F3: variants seen among roughly 807,000 people sequenced by gnomAD.
F3 encodes coagulation factor III, tissue factor, also known as tissue factor.
Under a neutral mutation model 33.5 loss-of-function variants are expected in F3, and 18 were observed. That is an observed-to-expected ratio of 0.54 (90% CI 0.37 to 0.80). The LOEUF (loss-of-function observed/expected upper bound fraction) is 0.80. Ranked by LOEUF, F3 falls within the 30% of genes least tolerant of loss-of-function variation. The pLI is 0.00. For missense variants in F3, 353 were observed against 362.1 expected, an observed-to-expected ratio of 0.97 and a Z score of 0.20; for synonymous variants, 147 against 140.7, an observed-to-expected ratio of 1.05 and a Z score of -0.32.
chr1:94,529,711 AG>A lies in F3; in HGVS notation c.*748del, dbSNP rs1651358323. 6.6e-6 allele frequency: 1 copy of A among 152,296 alleles called. No individual in the cohort carries two copies. Among genetic ancestry groups the A allele is most frequent in the Non-Finnish European group, 1.5e-5 (1 of 68,028 alleles). 9.4% of individuals were successfully genotyped at this position (152,296 alleles called of 1,614,324 possible). On this transcript the variant is annotated 3_prime_UTR_variant, in exon 6 of 6. Transcript: ENST00000334047. ...AAACACTATATTATAGACATATGTT[AG>A]AAAAGTCCTAGAAATGCACCCAATT...
At chr1:94,533,408 G>A (rs1651494459) in intron 3 of F3, 140 bp from the exon 4 acceptor site, 6 of 1,006,102 alleles carry the variant, frequency 6.0e-6, no homozygotes, top group Middle Eastern at 2.2e-4. Context: ...AGAAGCAGGC[G>A]TGGCGGCCTG....
Position 94,529,571 on chromosome 1 carries a change from A to G in F3, c.*889T>C, listed in dbSNP as rs1345399456. 1 of 152,632 alleles carries G rather than the reference A, an allele frequency of 6.6e-6. No individual in the cohort carries two copies. Among genetic ancestry groups the G allele is most frequent in the Non-Finnish European group, 1.5e-5 (1 of 68,042 alleles). 9.5% of individuals were successfully genotyped at this position (152,632 alleles called of 1,614,324 possible). On this transcript the variant is annotated 3_prime_UTR_variant, in exon 6 of 6. Coordinates refer to ENST00000334047, the MANE Select transcript of F3 (RefSeq NM_001993.5). Reference sequence around the variant, plus strand: ...TTAAGTCAGTTAAAGTGCAGATTGTAAAGCATATTAGGAAGGTGCCCAGAA... The same window carrying G: ...TTAAGTCAGTTAAAGTGCAGATTGTGAAGCATATTAGGAAGGTGCCCAGAA...
Position 94,533,170 on chromosome 1 carries a change from T to C in F3, c.511A>G (p.Thr171Ala). The C allele has an allele frequency of 3.1e-6, 5 of 1,614,058 alleles. No homozygotes were observed. The highest frequency in any genetic ancestry group is 4.2e-6 in the Non-Finnish European group (5 of 1,179,994). Residue 171 changes from threonine (T) to alanine (A), a missense_variant, in exon 4 of 6, where the codon ACT becomes GCT. By Grantham distance (58) the Thr-to-Ala change is moderately conservative. Transcript: ENST00000334047. ...AAAACATCCCGGAGGCTTAGGAAAG[T>C]GTTGTTCCTTCTGACTAAAGTCCGT... ...DERTLVRRNN[T>A]FLSLRDVFGK...
At chr1:94,541,482 C>A in intron 1 of F3, 55 bp downstream of exon 1, 1 of 1,327,102 alleles carries the variant, frequency 7.5e-7, no homozygotes, top group Non-Finnish European at 9.9e-7. Context: ...CCAGGACTGT[C>A]GCCTCCCTCC....
rs3354 is a variant in F3, at chr1:94,530,263, C to T, written c.*197G>A. ...ACTTGGAATTGGTTGTAGTACCATT[C>T]GTTACATTTCAAAGTGACTAATGCT... On this transcript the variant is annotated 3_prime_UTR_variant, in exon 6 of 6. Transcript: ENST00000334047. The T allele has an allele frequency of 0.3, 171,846 of 580,954 alleles. 27,202 individuals carry two copies. The highest frequency in any genetic ancestry group is 0.46 in the East Asian group (15,709 of 34,404). The allele number at this position is 580,954 out of a possible 1,614,324, so 36.0% of individuals were successfully genotyped here. A position where few individuals can be genotyped will look rare whatever the true frequency, so the allele number is the denominator to read the frequency against.
At chr1:94,536,427 G>C (rs1651609621) in intron 2 of F3, among the ~76,000 whole-genome samples, 1 of 152,118 alleles carries the variant, frequency 6.6e-6, no homozygotes, top group Admixed American at 6.5e-5. Context: ...ATCATACCTA[G>C]CAACACCGAG....
Position 94,530,376 on chromosome 1 carries a change from T to C in F3, c.*84A>G. On this transcript the variant is annotated 3_prime_UTR_variant, in exon 6 of 6. Coordinates refer to ENST00000334047, the MANE Select transcript of F3 (RefSeq NM_001993.5). The stretch of plus-strand genomic sequence containing the variant: ...GGTCTTCATGCTCCGAAATACTCAT[T>C]TGCGTTTCCATGTATTCTATCCTCT... The C allele has an allele frequency of 1.1e-5, 17 of 1,554,868 alleles. No homozygotes were observed. Among genetic ancestry groups the C allele is most frequent in the Non-Finnish European group, 1.5e-5 (17 of 1,142,294 alleles).
chr1:94,530,419 A>G lies in F3; in HGVS notation c.*41T>C, dbSNP rs201579878. 29 of 1,608,806 alleles carry G rather than the reference A, an allele frequency of 1.8e-5. No homozygotes were observed. In the South Asian group the frequency reaches 3.0e-4, roughly 17 times the overall value. On this transcript the variant is annotated 3_prime_UTR_variant, in exon 6 of 6. Transcript: ENST00000334047. ...TATCCTCTTAAAAGTTCTCGGTCAC[A>G]GTGCAATATAGCATTTGCAGTAGCT... is the stretch of plus-strand genomic sequence containing the variant.
intron 4 of F3, 134 bp downstream of exon 4, chr1:94,532,956 G>A (rs903286528): frequency 9.4e-6 from 8 of 848,036 alleles, no homozygotes; most frequent in African/African-American, 3.4e-5. Context: ...CCCACAGTGC[G>A]CGCTCCCCCT....
intron 1 of F3, chr1:94,540,602 T>A: frequency 2.2e-6 from 1 of 448,020 alleles, no homozygotes; most frequent in Admixed American, 3.9e-5. Flanking sequence ...GCAAGGATCT[T>A]GACATTTTCG....
Position 94,533,153 on chromosome 1 carries a change from C to G in F3, c.528G>C (p.Arg176=). The G allele has an allele frequency of 6.2e-7, 1 of 1,613,768 alleles. No individual in the cohort carries two copies. Among genetic ancestry groups the G allele is most frequent in the East Asian group, 2.2e-5 (1 of 44,850 alleles). ...VRRNNTFLSL[R]DVFGKDLIYT... ...AAATTAAGTCCTTGCCAAAAACATC[C>G]CGGAGGCTTAGGAAAGTGTTGTTCC... Residue 176 remains arginine, a synonymous_variant, in exon 4 of 6, where the codon CGG becomes CGC. Coordinates refer to ENST00000334047, the MANE Select transcript of F3 (RefSeq NM_001993.5).
At chr1:94,541,493 T>C in intron 1 of F3, 44 bp downstream of exon 1, 1 of 1,388,626 alleles carries the variant, frequency 7.2e-7, no homozygotes, top group Non-Finnish European at 9.5e-7. Flanking sequence ...GCCTCCCTCC[T>C]GCGTGTGGCG....
rs780973921 is a variant in F3, at chr1:94,536,076, G to A, written c.301C>T (p.Gln101Ter). 1.2e-6 allele frequency: 2 copies of A among 1,614,140 alleles called. No individual in the cohort carries two copies. Among genetic ancestry groups the A allele is most frequent in the Non-Finnish European group, 1.7e-6 (2 of 1,180,012 alleles). Reference protein sequence around the residue: ...LTDEIVKDVKQTYLARVFSYP... With the variant: ...LTDEIVKDVK ...GAGAAGACCCGTGCCAAGTACGTCTGCTTCACATCCTTCACAATCTCGTCG... is the reference window on the plus strand; with the variant it reads ...GAGAAGACCCGTGCCAAGTACGTCTACTTCACATCCTTCACAATCTCGTCG... Residue 101 changes from glutamine (Q) to a stop codon, truncating the protein, a stop_gained, in exon 3 of 6, where the codon CAG becomes TAG. Coordinates refer to ENST00000334047, the MANE Select transcript of F3 (RefSeq NM_001993.5). LOFTEE classifies it high-confidence loss of function.
At chr1:94,533,604 T>A (rs912355142) in intron 3 of F3, among the ~76,000 whole-genome samples, 4 of 152,190 alleles carry the variant, frequency 2.6e-5, no homozygotes, top group Admixed American at 6.5e-5. Flanking sequence ...GGGTTTGAAC[T>A]CTGTGGATCC....
At chr1:94,533,030 G>A in intron 4 of F3, 60 bp downstream of exon 4, 2 of 1,531,280 alleles carry the variant, frequency 1.3e-6, no homozygotes, top group Non-Finnish European at 1.8e-6. Flanking sequence ...GAAATGGGTT[G>A]TAAAACCCAA....
chr1:94,533,923 G>A (rs1388658058), intron 3 of F3, among the ~76,000 whole-genome samples: 8 of 151,170 alleles, frequency 5.3e-5, no homozygotes, highest in Non-Finnish European at 1.2e-4. Context: ...CCGGAGTGCA[G>A]TGGCGCAATC....
rs1651359919 is a variant in F3, at chr1:94,529,784, A to C, written c.*676T>G. Reference sequence around the variant, plus strand: ...CATGGATTGAAGTCAGCCCCTCAAAAGCTTTTCGGCTGGGCATGGTGGTTC... The same window carrying C: ...CATGGATTGAAGTCAGCCCCTCAAACGCTTTTCGGCTGGGCATGGTGGTTC... On this transcript the variant is annotated 3_prime_UTR_variant, in exon 6 of 6. Transcript: ENST00000334047. 6.6e-6 allele frequency: 1 copy of C among 152,146 alleles called. No homozygotes were observed. The allele number at this position is 152,146 out of a possible 1,614,324, so 9.4% of individuals were successfully genotyped here.
At chr1:94,532,566 G>C (rs1414397189) in intron 4 of F3, 86 bp from the exon 5 acceptor site, 9 of 1,454,044 alleles carry the variant, frequency 6.2e-6, no homozygotes, top group Non-Finnish European at 8.5e-6. Flanking sequence ...TAAAAACCTA[G>C]GTTCTAAGCA....
intron 2 of F3, among the ~76,000 whole-genome samples, chr1:94,536,466 A>G (rs1015272722): frequency 1.3e-5 from 2 of 152,210 alleles, no homozygotes; most frequent in Admixed American, 1.3e-4. Flanking sequence ...GAGTCCTCAT[A>G]GCAACCCAGG....
Sources: allele counts gnomAD v4.1 joint callset (sites outside exome capture counted in the v4.1 genomes callset), GRCh38; gene constraint gnomAD v4.1.1; transcripts MANE v1.5; gene names NCBI Gene and HGNC (gene_info 2026-07-23, HGNC 2026-07-21).